UNC13C: variants seen among roughly 807,000 people sequenced by gnomAD.
UNC13C encodes the protein unc-13 homolog C.
UNC13C carries 174 observed loss-of-function variants against 245.4 expected under a neutral mutation model. The ratio of observed to expected loss-of-function variants is 0.71; its 90% CI spans 0.63 to 0.80. The LOEUF (loss-of-function observed/expected upper bound fraction) is 0.80, where lower values mean the gene tolerates loss of function less well. UNC13C is among the 30% of genes least tolerant of loss of function. The pLI is 0.00. For missense variants in UNC13C, 2,829 were observed against 2,602.9 expected, an observed-to-expected ratio of 1.09 and a Z score of -1.89; for synonymous variants, 992 against 895.1, an observed-to-expected ratio of 1.11 and a Z score of -1.93.
At chr15:54,354,978 C>T (rs534627110) in intron 17 of UNC13C, among the ~76,000 whole-genome samples, 11 of 151,984 alleles carry the variant, frequency 7.2e-5, no homozygotes, top group Admixed American at 1.3e-4. Flanking sequence ...TGTTAGTGGG[C>T]GATCATAGGA....
intron 9 of UNC13C, among the ~76,000 whole-genome samples, chr15:54,264,880 C>G (rs984930822): frequency 6.6e-6 from 1 of 151,816 alleles, no homozygotes; most frequent in Non-Finnish European, 1.5e-5. Context: ...ACTGTGCAGC[C>G]TGTTAACATT....
At position 54,561,427 on chromosome 15, in the gene UNC13C, A is replaced by G. The variant is rs553967479; in HGVS notation, c.5958+5915A>G. On this transcript the variant is annotated intron_variant, in intron 29 of 32. Coordinates refer to ENST00000260323, the MANE Select transcript of UNC13C (RefSeq NM_001080534.3). The stretch of plus-strand genomic sequence containing the variant: ...GGACTCGAGATCAGGAAAAGCTGCA[A>G]TGGTCTTGAAAGACAGATGGGCGTT... 3.9e-5 allele frequency among the ~76,000 whole-genome samples: 6 copies of G among 152,174 alleles called. No individual in the cohort carries two copies. The East Asian group carries it at 1.2e-3, about 30-fold the overall frequency.
chr15:54,301,442 G>A (rs571242766), intron 13 of UNC13C, among the ~76,000 whole-genome samples: 71 of 151,908 alleles, frequency 4.7e-4, no homozygotes, highest in Middle Eastern at 3.4e-3. Context: ...TCCCTTAGCC[G>A]TCTACGCCCC....
chr15:54,078,026 C>T (rs1407918759), intron 2 of UNC13C, among the ~76,000 whole-genome samples: 1 of 152,122 alleles, frequency 6.6e-6, no homozygotes. Flanking sequence ...ATGTTTATGT[C>T]CATGTGTACT....
chr15:54,220,563 T>A, intron 4 of UNC13C, among the ~76,000 whole-genome samples: 1 of 151,740 alleles, frequency 6.6e-6, no homozygotes, highest in Non-Finnish European at 1.5e-5. Flanking sequence ...AACCTGCACA[T>A]TGTGTACATG....
At chr15:54,436,759 A>G (rs1890242377) in intron 19 of UNC13C, among the ~76,000 whole-genome samples, 1 of 151,882 alleles carries the variant, frequency 6.6e-6, no homozygotes, top group Admixed American at 6.6e-5. Context: ...GCAGCAAACC[A>G]CCATGGCACG....
chr15:53,887,722 C>A, the UNC13C span, among the ~76,000 whole-genome samples: 1 of 151,768 alleles, frequency 6.6e-6, no homozygotes, highest in Non-Finnish European at 1.5e-5. Flanking sequence ...TACGCCCCAC[C>A]CCCCGATAGT....
At chr15:54,229,348 T>C (rs1307417789) in intron 4 of UNC13C, among the ~76,000 whole-genome samples, 1 of 152,234 alleles carries the variant, frequency 6.6e-6, no homozygotes, top group Non-Finnish European at 1.5e-5. Flanking sequence ...TTGGTTCTTA[T>C]GAAGGTGTTT....
the UNC13C span, among the ~76,000 whole-genome samples, chr15:53,877,587 G>A: frequency 6.6e-6 from 1 of 152,016 alleles, no homozygotes; most frequent in Non-Finnish European, 1.5e-5. Flanking sequence ...GAGAGAGAGA[G>A]AAGGAGAATA....
At chr15:54,498,315 G>C (rs1894046286) in intron 20 of UNC13C, among the ~76,000 whole-genome samples, 1 of 152,002 alleles carries the variant, frequency 6.6e-6, no homozygotes, top group South Asian at 2.1e-4. Context: ...TACATGTTAA[G>C]GGGAGAAATC....
chr15:53,933,887 C>G, the UNC13C span, among the ~76,000 whole-genome samples: 1 of 152,176 alleles, frequency 6.6e-6, no homozygotes, highest in Non-Finnish European at 1.5e-5. Flanking sequence ...TCTTGCATTG[C>G]TATAACAAAA....
At chr15:53,919,400 A>G in the UNC13C span, among the ~76,000 whole-genome samples, 1 of 152,206 alleles carries the variant, frequency 6.6e-6, no homozygotes, top group Non-Finnish European at 1.5e-5. Context: ...TCAGTGAATC[A>G]GCGCTCTTAG....
intron 9 of UNC13C, among the ~76,000 whole-genome samples, chr15:54,264,821 A>G (rs1375016392): frequency 2.6e-5 from 4 of 151,944 alleles, no homozygotes; most frequent in East Asian, 1.9e-4. Context: ...GTTTAATGAT[A>G]TCTAGTAAAT....
intron 2 of UNC13C, among the ~76,000 whole-genome samples, chr15:54,054,202 G>C (rs535211776): frequency 2.0e-5 from 3 of 152,254 alleles, no homozygotes; most frequent in East Asian, 1.9e-4. Flanking sequence ...CCTCCAAACT[G>C]TTCTCCATGA....
chr15:54,584,918 T>C (rs1898408914), intron 30 of UNC13C, among the ~76,000 whole-genome samples: 1 of 152,000 alleles, frequency 6.6e-6, no homozygotes, highest in Non-Finnish European at 1.5e-5. Flanking sequence ...TTTCCACTAA[T>C]CAGCCCACTA....
downstream of UNC13C, chr15:54,628,694 G>GTAA (rs1555404809): frequency 1.3e-5 from 2 of 152,304 alleles, no homozygotes; most frequent in African/African-American, 2.4e-5. Flanking sequence ...TTGACCATAT[G>GTAA]TAATAGTCTT....
chr15:54,358,180 G>A (rs891138964), intron 17 of UNC13C, among the ~76,000 whole-genome samples: 1 of 152,086 alleles, frequency 6.6e-6, no homozygotes, highest in East Asian at 1.9e-4. Flanking sequence ...TGGCCAATGT[G>A]TCTGTTTTTA....
chr15:54,339,010 G>A (rs998923581), intron 17 of UNC13C, among the ~76,000 whole-genome samples: 2 of 152,160 alleles, frequency 1.3e-5, no homozygotes, highest in African/African-American at 4.8e-5. Context: ...GGGATTACAG[G>A]CATGAGCCAG....
At chr15:53,879,246 T>A in the UNC13C span, among the ~76,000 whole-genome samples, 1 of 152,098 alleles carries the variant, frequency 6.6e-6, no homozygotes, top group Non-Finnish European at 1.5e-5. Flanking sequence ...ATTGCAGCTT[T>A]GACCCCCAGG....
Sources: allele counts gnomAD v4.1 joint callset (sites outside exome capture counted in the v4.1 genomes callset), GRCh38; gene constraint gnomAD v4.1.1; transcripts MANE v1.5; gene names NCBI Gene and HGNC (gene_info 2026-07-23, HGNC 2026-07-21).